The following NDST4 variants were observed in gnomAD, a reference collection of about 807,000 sequenced individuals.
NDST4 encodes the protein N-deacetylase and N-sulfotransferase 4, also known as N-heparan sulfate sulfotransferase 4.
In NDST4, 63 loss-of-function variants were observed where a neutral mutation model predicts 100.8. The ratio of observed to expected loss-of-function variants is 0.62; its 90% CI spans 0.51 to 0.77. The LOEUF (loss-of-function observed/expected upper bound fraction) is 0.77. NDST4 is among the 30% of genes least tolerant of loss of function. The pLI, the probability that NDST4 is intolerant of heterozygous loss-of-function variation, is 0.00. For missense variants in NDST4, 943 were observed against 1,018.4 expected, an observed-to-expected ratio of 0.93 and a Z score of 1.01; for synonymous variants, 377 against 361.8, an observed-to-expected ratio of 1.04 and a Z score of -0.48.
At chr4:114,853,513 C>G (rs1168751608) in intron 7 of NDST4, among the ~76,000 whole-genome samples, 1 of 152,142 alleles carries the variant, frequency 6.6e-6, no homozygotes, top group Non-Finnish European at 1.5e-5. Flanking sequence ...CTGGCTGACT[C>G]TAATTTATTA....
rs1729970501 is a variant in NDST4, at chr4:115,112,226, G to A, written c.-247+1218C>T. On this transcript the variant is annotated intron_variant, in intron 1 of 13. Coordinates refer to ENST00000264363, the MANE Select transcript of NDST4 (RefSeq NM_022569.3). Reference sequence around the variant, plus strand: ...AAAAAAAAAAAAAAACCTTTACATCGTTGTGGGAAAATTCATTGCTTCCTA... The same window carrying A: ...AAAAAAAAAAAAAAACCTTTACATCATTGTGGGAAAATTCATTGCTTCCTA... 2.7e-5 allele frequency among the ~76,000 whole-genome samples: 4 copies of A among 149,630 alleles called. No homozygotes were observed. In the Admixed American group the frequency reaches 2.7e-4, roughly 10 times the overall value.
chr4:114,999,357 T>C (rs1727233063), intron 2 of NDST4, among the ~76,000 whole-genome samples: 1 of 152,062 alleles, frequency 6.6e-6, no homozygotes, highest in Admixed American at 6.6e-5. Context: ...CACCTCTCAA[T>C]TCCATTATTT....
At chr4:115,113,278 A>T (rs543942882) in intron 1 of NDST4, among the ~76,000 whole-genome samples, 166 bp downstream of exon 1, 3 of 152,072 alleles carry the variant, frequency 2.0e-5, no homozygotes, top group Non-Finnish European at 4.4e-5. Flanking sequence ...AGGTAAGCAC[A>T]CACATGCGGA....
intron 4 of NDST4, among the ~76,000 whole-genome samples, chr4:114,939,733 C>A (rs1401610505): frequency 1.3e-5 from 2 of 150,836 alleles, no homozygotes; most frequent in Non-Finnish European, 2.9e-5. Flanking sequence ...GAAGGAAGGG[C>A]AGTAAAAAAA....
intron 2 of NDST4, among the ~76,000 whole-genome samples, chr4:115,055,236 C>T (rs182164151): frequency 7.8e-4 from 118 of 152,166 alleles, no homozygotes; most frequent in African/African-American, 2.6e-3. Flanking sequence ...ACTGATTCTA[C>T]GTTATGGTAA....
intron 5 of NDST4, among the ~76,000 whole-genome samples, chr4:114,936,530 G>A (rs1725632406): frequency 6.6e-6 from 1 of 152,156 alleles, no homozygotes; most frequent in African/African-American, 2.4e-5. Context: ...AGTAAGAACA[G>A]TTTGTAAACC....
At position 114,941,275 on chromosome 4, in the gene NDST4, A is replaced by C. The variant is rs144262557; in HGVS notation, c.1222-3772T>G. 3.5e-4 allele frequency among the ~76,000 whole-genome samples: 53 copies of C among 152,210 alleles called. No individual in the cohort carries two copies. In the East Asian group the frequency reaches 9.5e-3, roughly 27 times the overall value. The stretch of plus-strand genomic sequence containing the variant: ...AGTGTCTGAGCTATACTTCTACCCA[A>C]GTTGTCTAGATTCATCATCTTTGCT... On this transcript the variant is annotated intron_variant, in intron 4 of 13. Transcript: ENST00000264363.
chr4:114,986,416 C>A (rs1192590418), intron 2 of NDST4, among the ~76,000 whole-genome samples: 1 of 151,966 alleles, frequency 6.6e-6, no homozygotes, highest in Non-Finnish European at 1.5e-5. Context: ...AACTATAAGC[C>A]ACTGATTTTA....
chr4:114,887,841 A>G (rs1354102228), intron 6 of NDST4, among the ~76,000 whole-genome samples: 1 of 152,156 alleles, frequency 6.6e-6, no homozygotes, highest in Non-Finnish European at 1.5e-5. Context: ...TGTTGTCACT[A>G]GATAATTTCA....
chr4:115,107,117 C>T (rs568988897), intron 1 of NDST4, among the ~76,000 whole-genome samples: 7 of 151,986 alleles, frequency 4.6e-5, no homozygotes, highest in Non-Finnish European at 8.8e-5. Flanking sequence ...ATGATTGCTC[C>T]ACTGCCTCCA....
chr4:115,105,570 C>A (rs1420319952), intron 1 of NDST4, among the ~76,000 whole-genome samples: 4 of 152,114 alleles, frequency 2.6e-5, no homozygotes, highest in Admixed American at 2.0e-4. Context: ...AGTGCTCATT[C>A]TAAAACCTTT....
intron 2 of NDST4, among the ~76,000 whole-genome samples, chr4:115,022,517 T>TGTTCCATATATATATATGTTCC (rs1727880650): frequency 6.9e-5 from 10 of 145,072 alleles, no homozygotes; most frequent in African/African-American, 2.5e-4. Context: ...TCCATATATA[T>TGTTCCATATATATATATGTTCC]ATATATGTGA....
At chr4:115,010,299 G>A (rs1162962603) in intron 2 of NDST4, among the ~76,000 whole-genome samples, 2 of 126,192 alleles carry the variant, frequency 1.6e-5, no homozygotes, top group Non-Finnish European at 3.4e-5. Flanking sequence ...ATGTCCAACA[G>A]TGATAGACTG....
chr4:115,076,041 G>A lies in NDST4; in HGVS notation c.978+18C>T, dbSNP rs771864523. 30 of 1,578,936 alleles carry A rather than the reference G, an allele frequency of 1.9e-5. No homozygotes were observed. The highest frequency in any genetic ancestry group is 2.5e-5 in the Non-Finnish European group (29 of 1,164,646). ...ATTGTGAAATACAAATTTCGATGTT[G>A]TCTATAAATAAGCTTACCTTCACAT... On this transcript the variant is annotated intron_variant, in intron 2 of 13. Transcript: ENST00000264363.
chr4:115,057,739 C>CACAG (rs1479616700), intron 2 of NDST4, among the ~76,000 whole-genome samples: 1 of 98,116 alleles, frequency 1.0e-5, no homozygotes, highest in African/African-American at 6.5e-5. Context: ...CACACAGACA[C>CACAG]ACACACACAC....
At chr4:114,953,624 T>C (rs1726070530) in intron 4 of NDST4, among the ~76,000 whole-genome samples, 1 of 152,170 alleles carries the variant, frequency 6.6e-6, no homozygotes. Flanking sequence ...GTGAATGCGA[T>C]GTGATGCCTG....
intron 1 of NDST4, among the ~76,000 whole-genome samples, chr4:115,089,544 C>A (rs1729472958): frequency 1.3e-5 from 2 of 151,712 alleles, no homozygotes; most frequent in African/African-American, 2.4e-5. Context: ...TTTTATAATA[C>A]CTTTGCATTT....
intron 4 of NDST4, among the ~76,000 whole-genome samples, chr4:114,939,878 A>G (rs1258753300): frequency 6.6e-6 from 1 of 152,194 alleles, no homozygotes; most frequent in African/African-American, 2.4e-5. Flanking sequence ...TTTTCAATCT[A>G]AATGACAACA....
intron 6 of NDST4, 25 bp downstream of exon 6, chr4:114,935,181 T>G (rs1480402664): frequency 6.8e-7 from 1 of 1,473,740 alleles, no homozygotes; most frequent in South Asian, 1.5e-5. Flanking sequence ...AATCTTATTG[T>G]AAGGTGCATA....
Sources: gnomAD v4.1 joint callset for allele counts (sites outside exome capture counted in the v4.1 genomes callset) on GRCh38, gnomAD v4.1.1 for gene constraint, MANE v1.5 for transcripts, NCBI Gene and HGNC (gene_info 2026-07-23, HGNC 2026-07-21) for gene names.